The following BCAR3 variants were observed in gnomAD, a reference collection of about 807,000 sequenced individuals.
BCAR3 encodes BCAR3 adaptor protein, NSP family member.
A neutral mutation model predicts 80.1 loss-of-function variants in BCAR3; 37 were observed. That is an observed-to-expected ratio of 0.46 (90% CI 0.36 to 0.61). BCAR3 has a LOEUF of 0.61. BCAR3 is among the 20% of genes least tolerant of loss of function. The pLI, the probability that BCAR3 is intolerant of heterozygous loss-of-function variation, is 0.00. For missense variants in BCAR3, 978 were observed against 1,068.2 expected (o/e 0.92, Z 1.18); for synonymous variants, 389 against 418.9 (o/e 0.93, Z 0.87).
intron 3 of BCAR3, among the ~76,000 whole-genome samples, chr1:93,699,069 A>C (rs1649538260): frequency 6.6e-6 from 1 of 152,164 alleles, no homozygotes; most frequent in Non-Finnish European, 1.5e-5. Context: ...TTTCTGCTGT[A>C]CATATATGTT....
chr1:93,797,159 T>C (rs1392420078), intron 2 of BCAR3, among the ~76,000 whole-genome samples: 1 of 152,212 alleles, frequency 6.6e-6, no homozygotes, highest in South Asian at 2.1e-4. Flanking sequence ...CTTGTTGAAT[T>C]TGAACCCATG....
At chr1:93,688,115 T>C (rs561248558) in intron 3 of BCAR3, among the ~76,000 whole-genome samples, 1 of 152,332 alleles carries the variant, frequency 6.6e-6, no homozygotes, top group East Asian at 1.9e-4. Context: ...GTGTCCAGTC[T>C]ACTAGGCAGG....
rs236268 is a variant in BCAR3 at position 93,639,526 on chromosome 1, C to T, written c.357+2778G>A. Reference sequence around the variant, plus strand: ...AGTCTCACTCTTGTCACCCAGGCTGCAGTGCAATCGTGCGACTTCAGCTCA... The same window carrying T: ...AGTCTCACTCTTGTCACCCAGGCTGTAGTGCAATCGTGCGACTTCAGCTCA... On this transcript the variant is annotated intron_variant, in intron 3 of 11. Coordinates refer to ENST00000260502, the MANE Select transcript of BCAR3 (RefSeq NM_003567.4). 3.4e-5 allele frequency among the ~76,000 whole-genome samples: 5 copies of T among 147,270 alleles called. 1 individual carries two copies. In the East Asian group the frequency reaches 8.0e-4, roughly 24 times the overall value.
rs185755474 is a variant in BCAR3, at chr1:93,743,554, A to G, written c.-62-37412T>C. Reference sequence around the variant, plus strand: ...TACCAAATATTCCCTGTACACTGTTAAAACATGGACCTCAAGGGAGAAAGC... The same window carrying G: ...TACCAAATATTCCCTGTACACTGTTGAAACATGGACCTCAAGGGAGAAAGC... On this transcript the variant is annotated intron_variant, in intron 2 of 13. Transcript: ENST00000370244. 1.6e-3 allele frequency among the ~76,000 whole-genome samples: 243 copies of G among 152,370 alleles called. 2 individuals carry two copies. The highest frequency in any genetic ancestry group is 5.6e-3 in the African/African-American group (233 of 41,584).
intron 3 of BCAR3, among the ~76,000 whole-genome samples, chr1:93,627,885 G>A (rs1675498176): frequency 6.6e-6 from 1 of 152,076 alleles, no homozygotes; most frequent in East Asian, 1.9e-4. Context: ...TGAGCCATAA[G>A]TTTTCAGTAT....
intron 2 of BCAR3, among the ~76,000 whole-genome samples, chr1:93,773,097 G>A (rs914674029): frequency 6.6e-6 from 1 of 152,164 alleles, no homozygotes; most frequent in South Asian, 2.1e-4. Flanking sequence ...AGATTGATAG[G>A]TTAGTTGGAA....
At chr1:93,694,173 C>T (rs1202427320) in intron 3 of BCAR3, among the ~76,000 whole-genome samples, 2 of 152,220 alleles carry the variant, frequency 1.3e-5, no homozygotes, top group Non-Finnish European at 2.9e-5. Flanking sequence ...GTGGAACTTC[C>T]GGTAAGGGAT....
intron 2 of BCAR3, chr1:93,845,489 T>TC (rs1468896984): frequency 0.08 from 5,873 of 73,226 alleles, 924 homozygotes; most frequent in African/African-American, 0.32. Flanking sequence ...TATATATATA[T>TC]ATATATATAT....
chr1:93,764,190 C>G (rs918837982), intron 2 of BCAR3, among the ~76,000 whole-genome samples: 5 of 152,030 alleles, frequency 3.3e-5, no homozygotes, highest in Admixed American at 2.0e-4. Context: ...CACCAGAACA[C>G]CCCACGCTGC....
At chr1:93,669,015 A>G (rs1320248047) in intron 2 of BCAR3, among the ~76,000 whole-genome samples, 1 of 151,984 alleles carries the variant, frequency 6.6e-6, no homozygotes, top group Non-Finnish European at 1.5e-5. Context: ...ACCCGGCCCA[A>G]GATTTTTTTT....
chr1:93,707,455 A>G (rs1452807620), intron 2 of BCAR3, among the ~76,000 whole-genome samples: 3 of 152,178 alleles, frequency 2.0e-5, no homozygotes, highest in African/African-American at 7.2e-5. Flanking sequence ...CATGCCTGTA[A>G]TCCCAGCACT....
In BCAR3 at chr1:93,592,448, C is replaced by G; in HGVS notation, c.358-55G>C. The G allele has an allele frequency of 6.6e-7, 1 of 1,526,020 alleles. No individual in the cohort carries two copies. Among genetic ancestry groups the G allele is most frequent in the Admixed American group, 2.1e-5 (1 of 48,304 alleles). The allele number at this position is 1,526,020 out of a possible 1,614,324, so 94.5% of individuals were successfully genotyped here. A position where few individuals can be genotyped will look rare whatever the true frequency, so the allele number is the denominator to read the frequency against. On this transcript the variant is annotated intron_variant, in intron 3 of 11. Transcript: ENST00000260502. This position sits in a 1 kb window ranked among gnomAD's most constrained non-coding sequence, Gnocchi z 4.8. ...CCTGCCCAGGCCACACCAGGCCATG[C>G]CAGCTGGAGGTGACCGCCTGCTTCA...
In BCAR3 at chr1:93,791,275, A is replaced by T. The variant is rs1311013458; in HGVS notation, c.-63+54292T>A. On this transcript the variant is annotated intron_variant, in intron 2 of 13. Transcript: ENST00000370244. ...ACTAGTTTACAGTCCCACCAAGTGT[A>T]AAAGTGTTCCTATTTCTCCACATCC... Among the ~76,000 whole-genome samples, 34 of 73,354 alleles carry T rather than the reference A, an allele frequency of 4.6e-4. 10 individuals are homozygous for T. Among genetic ancestry groups the T allele is most frequent in the Non-Finnish European group, 7.2e-4 (31 of 42,886 alleles). 48.1% of individuals were successfully genotyped at this position (73,354 alleles called of 152,430 possible). A position where few individuals can be genotyped will look rare whatever the true frequency, so the allele number is the denominator to read the frequency against.
chr1:93,585,652 T>C (rs980576450), intron 5 of BCAR3, among the ~76,000 whole-genome samples: 2 of 152,308 alleles, frequency 1.3e-5, no homozygotes, highest in Admixed American at 6.5e-5. Flanking sequence ...CTTCTAACAC[T>C]GTAAGGCATC....
chr1:93,610,879 C>A (rs753621262), intron 3 of BCAR3, among the ~76,000 whole-genome samples: 1 of 151,520 alleles, frequency 6.6e-6, no homozygotes, highest in African/African-American at 2.4e-5. Context: ...TGTAGTGAGC[C>A]GAGATCACGC....
At chr1:93,736,164 A>G (rs1650963499) in intron 2 of BCAR3, among the ~76,000 whole-genome samples, 1 of 152,222 alleles carries the variant, frequency 6.6e-6, no homozygotes, top group African/African-American at 2.4e-5. Flanking sequence ...AATTGTATGA[A>G]GAGATGTGAT....
At chr1:93,692,751 T>G (rs1375027223) in intron 3 of BCAR3, among the ~76,000 whole-genome samples, 1 of 151,812 alleles carries the variant, frequency 6.6e-6, no homozygotes, top group Non-Finnish European at 1.5e-5. Context: ...AGTGGGAGAG[T>G]TTGGGGTTGA....
chr1:93,653,204 A>G (rs1647209113), intron 2 of BCAR3, among the ~76,000 whole-genome samples: 1 of 152,272 alleles, frequency 6.6e-6, no homozygotes, highest in Non-Finnish European at 1.5e-5. Context: ...TGAATAAATT[A>G]ATGGCTAAGA....
At chr1:93,605,686 T>C (rs1484568579) in intron 3 of BCAR3, 2 of 152,272 alleles carry the variant, frequency 1.3e-5, no homozygotes, top group African/African-American at 4.8e-5. Flanking sequence ...GGAACACAGC[T>C]ATTCATCAAA....
Sources: allele counts gnomAD v4.1 joint callset (sites outside exome capture counted in the v4.1 genomes callset), GRCh38; gene constraint gnomAD v4.1.1; non-coding constraint Gnocchi (gnomAD v3.1); transcripts MANE v1.5; gene names NCBI Gene and HGNC (gene_info 2026-07-23, HGNC 2026-07-21).